The following YIPF4 variants were observed in gnomAD, a reference collection of about 807,000 sequenced individuals.
The protein encoded by YIPF4 is Yip1 domain family member 4, also known as protein YIPF4.
Under a neutral mutation model 29.4 loss-of-function variants are expected in YIPF4, and 18 were observed. The observed-to-expected ratio is 0.61, with a 90% confidence interval of 0.42 to 0.91. YIPF4 has a LOEUF of 0.91. Among genes scored for constraint, YIPF4 ranks in the 40% least tolerant of loss-of-function variants. The probability of loss-of-function intolerance (pLI) is 0.00; values close to 1 mark genes in which losing one functional copy is unlikely to be tolerated. For synonymous variants in YIPF4, 115 were observed against 104.7 expected, an observed-to-expected ratio of 1.10 and a Z score of -0.60; for missense variants, 279 against 282.7, an observed-to-expected ratio of 0.99 and a Z score of 0.09.
At chr2:32,292,446 A>C (rs2030958898) in intron 3 of YIPF4, 98 bp downstream of exon 3, 8 of 950,586 alleles carry the variant, frequency 8.4e-6, no homozygotes. Flanking sequence ...ATTATGTTTG[A>C]GAAATGCTTT....
chr2:32,290,839 T>C (rs2030879696), intron 2 of YIPF4: 2 of 269,936 alleles, frequency 7.4e-6, no homozygotes, highest in Admixed American at 1.1e-4. Context: ...ATTAAAAGAA[T>C]GGTAATCCTG....
Position 32,308,029 on chromosome 2 carries a change from C to T in YIPF4, c.*2403C>T, listed in dbSNP as rs543453971. 6.6e-6 allele frequency: 1 copy of T among 151,008 alleles called. No homozygotes were observed. The highest frequency in any genetic ancestry group is 2.1e-4 in the South Asian group (1 of 4,776). 9.4% of individuals were successfully genotyped at this position (151,008 alleles called of 1,614,324 possible). A position where few individuals can be genotyped will look rare whatever the true frequency, so the allele number is the denominator to read the frequency against. On this transcript the variant is annotated 3_prime_UTR_variant, in exon 6 of 6. Coordinates refer to ENST00000238831, the MANE Select transcript of YIPF4 (RefSeq NM_032312.4). ...GGTAAGATGACCCTAATAATGTCCT[C>T]TCCTTGAATTTTTATATAATAATAT...
chr2:32,278,259 T>C (rs1453622540), intron 1 of YIPF4, 25 bp downstream of exon 1: 11 of 1,536,608 alleles, frequency 7.2e-6, no homozygotes, highest in Non-Finnish European at 9.6e-6. Context: ...CTGGAAGGGC[T>C]ATCACCCGGA....
At chr2:32,300,838 A>C (rs991764534) in intron 4 of YIPF4, among the ~76,000 whole-genome samples, 4 of 152,220 alleles carry the variant, frequency 2.6e-5, no homozygotes, top group African/African-American at 7.2e-5. Context: ...AATAGGGACA[A>C]TAATGCCTAT....
At chr2:32,278,264 C>G (rs1446584516) in intron 1 of YIPF4, 30 bp downstream of exon 1, 1 of 1,531,180 alleles carries the variant, frequency 6.5e-7, no homozygotes, top group African/African-American at 1.4e-5. Context: ...AGGGCTATCA[C>G]CCGGAGGAAG....
At chr2:32,291,388 G>A (rs932852358) in intron 2 of YIPF4, among the ~76,000 whole-genome samples, 5 of 152,070 alleles carry the variant, frequency 3.3e-5, no homozygotes, top group African/African-American at 9.7e-5. Flanking sequence ...TACAAAAAAA[G>A]AAAAAATTAG....
rs541636693 is a variant in YIPF4, at chr2:32,294,270, CG to C, written c.405+1926del. ...GCGGAGGGGCTCCTCACTTCTCAGA[CG>C]GGGCGGCTGCCGGGTGGAGGGGCTC... On this transcript the variant is annotated intron_variant, in intron 3 of 5. Transcript: ENST00000238831. Among the ~76,000 whole-genome samples, 492 of 150,666 alleles carry C rather than the reference CG, an allele frequency of 3.3e-3. 2 individuals are homozygous for C. Among genetic ancestry groups the C allele is most frequent in the African/African-American group, 0.012 (474 of 40,960 alleles).
chr2:32,314,047 A>G lies in YIPF4; in HGVS notation c.*8421A>G, dbSNP rs1212578879. 1 of 152,252 alleles carries G rather than the reference A, an allele frequency of 6.6e-6. No homozygotes were observed. The highest frequency in any genetic ancestry group is 1.5e-5 in the Non-Finnish European group (1 of 68,042). The allele number at this position is 152,252 out of a possible 1,614,324, so 9.4% of individuals were successfully genotyped here. A position where few individuals can be genotyped will look rare whatever the true frequency, so the allele number is the denominator to read the frequency against. ...AGATATGCAATTATACTCTTGACAT[A>G]TATTCAACCGAAATGCATGTACATG... On this transcript the variant is annotated 3_prime_UTR_variant, in exon 6 of 6. Transcript: ENST00000238831.
intron 3 of YIPF4, among the ~76,000 whole-genome samples, chr2:32,297,303 T>C (rs984652624): frequency 6.6e-6 from 1 of 152,056 alleles, no homozygotes; most frequent in Non-Finnish European, 1.5e-5. Context: ...TTTGTATTTT[T>C]TTTTACAGGG....
chr2:32,287,860 T>C (rs1320195280), intron 1 of YIPF4, among the ~76,000 whole-genome samples: 1 of 152,206 alleles, frequency 6.6e-6, no homozygotes, highest in Non-Finnish European at 1.5e-5. Context: ...CTTTTATATT[T>C]ATTATCCTTT....
intron 5 of YIPF4, among the ~76,000 whole-genome samples, chr2:32,304,416 CTTTTT>C (rs74838110): frequency 1.4e-5 from 2 of 144,348 alleles, no homozygotes; most frequent in Admixed American, 7.0e-5. Flanking sequence ...CATAGGGTTA[CTTTTT>C]TTTTTTTTAA....
chr2:32,288,377 G>C (rs1189848843), intron 1 of YIPF4, among the ~76,000 whole-genome samples: 1 of 152,042 alleles, frequency 6.6e-6, no homozygotes, highest in East Asian at 1.9e-4. Context: ...TTTTGGTTTA[G>C]ATTAAGGACT....
chr2:32,283,290 C>T (rs1181715273), intron 1 of YIPF4, among the ~76,000 whole-genome samples: 4 of 152,196 alleles, frequency 2.6e-5, no homozygotes, highest in Non-Finnish European at 2.9e-5. Flanking sequence ...GGTTTCTACA[C>T]GTCATATAAA....
chr2:32,286,170 A>T (rs1480214842), intron 1 of YIPF4, among the ~76,000 whole-genome samples: 4 of 152,230 alleles, frequency 2.6e-5, no homozygotes, highest in Admixed American at 1.3e-4. Context: ...CTATAAACAC[A>T]TATACACACA....
intron 1 of YIPF4, among the ~76,000 whole-genome samples, chr2:32,280,794 C>A (rs929073325): frequency 2.6e-5 from 4 of 152,116 alleles, no homozygotes; most frequent in African/African-American, 9.7e-5. Flanking sequence ...CCGTAAATTT[C>A]TTTTAAACTG....
At position 32,309,081 on chromosome 2, in the gene YIPF4, T is replaced by C. The variant is rs938715516; in HGVS notation, c.*3455T>C. On this transcript the variant is annotated 3_prime_UTR_variant, in exon 6 of 6. Transcript: ENST00000238831. The stretch of plus-strand genomic sequence containing the variant: ...ATCTATATAATTAAGCATTGTTTTT[T>C]AAAAAGTAGTTTAGGAAGATTTGTA... 1 of 152,044 alleles carries C rather than the reference T, an allele frequency of 6.6e-6. No individual in the cohort carries two copies. The allele number at this position is 152,044 out of a possible 1,614,324, so 9.4% of individuals were successfully genotyped here.
Position 32,308,030 on chromosome 2 carries a change from T to C in YIPF4, c.*2404T>C, listed in dbSNP as rs1254932406. 1 of 151,412 alleles carries C rather than the reference T, an allele frequency of 6.6e-6. No individual in the cohort carries two copies. Among genetic ancestry groups the C allele is most frequent in the Non-Finnish European group, 1.5e-5 (1 of 67,914 alleles). The allele number at this position is 151,412 out of a possible 1,614,324, so 9.4% of individuals were successfully genotyped here. Reference sequence around the variant, plus strand: ...GTAAGATGACCCTAATAATGTCCTCTCCTTGAATTTTTATATAATAATATT... The same window carrying C: ...GTAAGATGACCCTAATAATGTCCTCCCCTTGAATTTTTATATAATAATATT... On this transcript the variant is annotated 3_prime_UTR_variant, in exon 6 of 6. Coordinates refer to ENST00000238831, the MANE Select transcript of YIPF4 (RefSeq NM_032312.4).
At chr2:32,281,759 C>T (rs568846888) in intron 1 of YIPF4, among the ~76,000 whole-genome samples, 8 of 151,880 alleles carry the variant, frequency 5.3e-5, no homozygotes, top group Non-Finnish European at 1.0e-4. Context: ...CATGGTGGCA[C>T]GCACCTGCAA....
intron 1 of YIPF4, among the ~76,000 whole-genome samples, chr2:32,283,847 A>G (rs2030540074): frequency 3.3e-5 from 5 of 151,588 alleles, no homozygotes; most frequent in Admixed American, 2.6e-4. Flanking sequence ...CCTCCCAAGT[A>G]GCTGGGATTA....
Sources: allele counts gnomAD v4.1 joint callset (sites outside exome capture counted in the v4.1 genomes callset), GRCh38; gene constraint gnomAD v4.1.1; transcripts MANE v1.5; gene names NCBI Gene and HGNC (gene_info 2026-07-23, HGNC 2026-07-21).